The following MBD5 variants were observed in gnomAD, a reference collection of about 807,000 sequenced individuals.
MBD5 encodes the protein methyl-CpG-binding domain protein 5.
In MBD5, 13 loss-of-function variants were observed where a neutral mutation model predicts 117.3. The ratio of observed to expected loss-of-function variants is 0.11; its 90% CI spans 0.07 to 0.18. The LOEUF (loss-of-function observed/expected upper bound fraction) is 0.18. Among genes scored for constraint, MBD5 ranks in the 10% least tolerant of loss-of-function variants. The pLI, the probability that MBD5 is intolerant of heterozygous loss-of-function variation, is 1.00. For missense variants in MBD5, 1,879 were observed against 2,093.8 expected (o/e 0.90, Z 2.00); for synonymous variants, 727 against 766.4 (o/e 0.95, Z 0.85).
At chr2:148,222,542 G>A (rs1172359823) in intron 2 of MBD5, among the ~76,000 whole-genome samples, 1 of 151,726 alleles carries the variant, frequency 6.6e-6, no homozygotes, top group Non-Finnish European at 1.5e-5. Flanking sequence ...TCCATTTTTA[G>A]TTTCTTTTTC....
intron 1 of MBD5, among the ~76,000 whole-genome samples, chr2:148,044,125 G>A (rs555092510): frequency 6.6e-6 from 1 of 152,160 alleles, no homozygotes; most frequent in Non-Finnish European, 1.5e-5. Flanking sequence ...ATATTAAGTG[G>A]TGTTATGTAA....
intron 3 of MBD5, among the ~76,000 whole-genome samples, chr2:148,271,619 A>T (rs1700988699): frequency 6.6e-6 from 1 of 152,048 alleles, no homozygotes; most frequent in African/African-American, 2.4e-5. Flanking sequence ...TTTTTCTCTA[A>T]TTTCCGTCGG....
intron 1 of MBD5, among the ~76,000 whole-genome samples, chr2:148,069,661 C>CTTAA (rs141510869): frequency 2.6e-5 from 4 of 151,820 alleles, no homozygotes; most frequent in East Asian, 3.9e-4. Context: ...TTTTTAATGT[C>CTTAA]TTAATTAATT....
At chr2:148,313,797 G>A (rs1345143184) in intron 3 of MBD5, among the ~76,000 whole-genome samples, 1 of 152,152 alleles carries the variant, frequency 6.6e-6, no homozygotes, top group African/African-American at 2.4e-5. Flanking sequence ...CTCCTGGTCT[G>A]CAGGTTGTGA....
In MBD5 at chr2:148,514,026, A is replaced by G. The variant is rs951782268; in HGVS notation, c.*1085A>G. The G allele has an allele frequency of 3.9e-5, 6 of 152,226 alleles. No homozygotes were observed. The highest frequency in any genetic ancestry group is 1.2e-4 in the African/African-American group (5 of 41,456). The allele number at this position is 152,226 out of a possible 1,614,324, so 9.4% of individuals were successfully genotyped here. On this transcript the variant is annotated 3_prime_UTR_variant, in exon 14 of 14. Coordinates refer to ENST00000642680, the MANE Select transcript of MBD5 (RefSeq NM_001378120.1). ...AATATGAATCATCAAAGCAAGTTTC[A>G]TATCCATTCATCAGTATTACTTAAC... is the stretch of plus-strand genomic sequence containing the variant.
At chr2:148,403,273 A>AG (rs1178828235) in intron 4 of MBD5, among the ~76,000 whole-genome samples, 6 of 151,722 alleles carry the variant, frequency 4.0e-5, no homozygotes, top group Admixed American at 3.3e-4. Flanking sequence ...TCCACCCCCC[A>AG]GGTTCAAGCG....
intron 4 of MBD5, among the ~76,000 whole-genome samples, chr2:148,362,714 G>A (rs1703578894): frequency 6.6e-6 from 1 of 152,150 alleles, no homozygotes; most frequent in South Asian, 2.1e-4. Flanking sequence ...AGCAGGGGTC[G>A]ACAGACACCT....
At chr2:148,237,565 G>A (rs1004463137) in intron 3 of MBD5, among the ~76,000 whole-genome samples, 8 of 152,174 alleles carry the variant, frequency 5.3e-5, no homozygotes, top group Non-Finnish European at 7.4e-5. Context: ...CAGGCAGTTC[G>A]TGGCACCCCA....
intron 3 of MBD5, among the ~76,000 whole-genome samples, chr2:148,312,637 T>G (rs1702061059): frequency 6.6e-6 from 1 of 152,202 alleles, no homozygotes; most frequent in Non-Finnish European, 1.5e-5. Context: ...ACCCACCTTC[T>G]GAAGCCTACT....
chr2:148,358,836 T>C (rs1388294996), intron 4 of MBD5, among the ~76,000 whole-genome samples: 3 of 152,090 alleles, frequency 2.0e-5, no homozygotes, highest in Middle Eastern at 6.8e-3. Context: ...CAGGGCAAAA[T>C]TGAAGTGACT....
At chr2:148,326,415 T>C (rs1336197663) in intron 3 of MBD5, among the ~76,000 whole-genome samples, 1 of 152,180 alleles carries the variant, frequency 6.6e-6, no homozygotes, top group Non-Finnish European at 1.5e-5. Context: ...CTCGTTGATC[T>C]GTCTAATGTT....
At chr2:148,328,071 C>T (rs1702511118) in intron 3 of MBD5, among the ~76,000 whole-genome samples, 3 of 152,148 alleles carry the variant, frequency 2.0e-5, no homozygotes, top group Non-Finnish European at 1.5e-5. Flanking sequence ...ACAGGACCCT[C>T]AGCTGCAGGT....
At chr2:148,448,052 C>A (rs1574435578) in intron 4 of MBD5, among the ~76,000 whole-genome samples, 1 of 152,122 alleles carries the variant, frequency 6.6e-6, no homozygotes, top group Admixed American at 6.6e-5. Flanking sequence ...GCTACATTTT[C>A]TCTGCCATCC....
intron 4 of MBD5, among the ~76,000 whole-genome samples, chr2:148,352,232 C>A (rs569110212): frequency 6.6e-6 from 1 of 152,038 alleles, no homozygotes; most frequent in Non-Finnish European, 1.5e-5. Flanking sequence ...ATTACCATCA[C>A]CCCACCTCCT....
At chr2:148,415,475 G>C (rs950659178) in intron 4 of MBD5, among the ~76,000 whole-genome samples, 21 of 152,066 alleles carry the variant, frequency 1.4e-4, no homozygotes, top group Non-Finnish European at 2.8e-4. Flanking sequence ...GTCTTGCAGG[G>C]GTTCTTGGCA....
intron 2 of MBD5, among the ~76,000 whole-genome samples, chr2:148,226,861 C>A (rs1699836337): frequency 6.6e-6 from 1 of 152,124 alleles, no homozygotes; most frequent in Non-Finnish European, 1.5e-5. Flanking sequence ...CTCTGATGGC[C>A]AGTGATGGTG....
At chr2:148,246,852 C>T (rs1339055965) in intron 3 of MBD5, among the ~76,000 whole-genome samples, 4 of 150,664 alleles carry the variant, frequency 2.7e-5, no homozygotes. Flanking sequence ...TCTAGGTTTA[C>T]CAATATGAGA....
At chr2:148,473,598 G>A (rs549748235) in intron 8 of MBD5, among the ~76,000 whole-genome samples, 2 of 152,084 alleles carry the variant, frequency 1.3e-5, no homozygotes, top group East Asian at 3.9e-4. Context: ...TAGTTCCATT[G>A]GTAATCTATT....
At chr2:148,183,154 A>T (rs1477931398) in intron 2 of MBD5, among the ~76,000 whole-genome samples, 1 of 152,160 alleles carries the variant, frequency 6.6e-6, no homozygotes, top group Admixed American at 6.5e-5. Flanking sequence ...CAGGAAAGTA[A>T]GTGTTGCAGA....
Sources: allele counts gnomAD v4.1 joint callset (sites outside exome capture counted in the v4.1 genomes callset), GRCh38; gene constraint gnomAD v4.1.1; transcripts MANE v1.5; gene names NCBI Gene and HGNC (gene_info 2026-07-23, HGNC 2026-07-21).